The following PEX5 variants were observed in gnomAD, a reference collection of about 807,000 sequenced individuals.
PEX5 encodes PTS1 receptor.
PEX5 carries 52 observed loss-of-function variants against 82.9 expected under a neutral mutation model. That is an observed-to-expected ratio of 0.63 (90% CI 0.50 to 0.79). The LOEUF (loss-of-function observed/expected upper bound fraction) is 0.79, where lower values mean the gene tolerates loss of function less well. Ranked by LOEUF, PEX5 falls within the 30% of genes least tolerant of loss-of-function variation. The pLI is 0.00. For missense variants in PEX5, 719 were observed against 815.2 expected, an observed-to-expected ratio of 0.88 and a Z score of 1.44; for synonymous variants, 300 against 318.8, an observed-to-expected ratio of 0.94 and a Z score of 0.63.
chr12:7,202,203 C>A (rs1944160915), intron 7 of PEX5, 38 bp from the exon 8 acceptor site: 4 of 1,613,392 alleles, frequency 2.5e-6, no homozygotes, highest in Non-Finnish European at 3.4e-6. Context: ...ACCTGGAAGT[C>A]CTTTCCCAAG....
chr12:7,209,913 GAT>G (rs1223668579), intron 15 of PEX5, 73 bp downstream of exon 15: 1 of 1,601,596 alleles, frequency 6.2e-7, no homozygotes, highest in African/African-American at 1.3e-5. Flanking sequence ...CTTATTCTTA[GAT>G]CCTGTTTGAC....
At chr12:7,208,231 TC>T (rs1945063802) in intron 12 of PEX5, 151 bp downstream of exon 12, 2 of 775,436 alleles carry the variant, frequency 2.6e-6, no homozygotes, top group Non-Finnish European at 4.5e-6. Context: ...TGGAGTGAAT[TC>T]CATTCCTTCA....
chr12:7,198,967 C>A, intron 5 of PEX5, 44 bp from the exon 6 acceptor site: 2 of 1,095,766 alleles, frequency 1.8e-6, no homozygotes, highest in Non-Finnish European at 1.4e-6. Flanking sequence ...TGATCCCACA[C>A]TGAATGAACC....
At chr12:7,189,219 G>A (rs1405784552), upstream of PEX5, 1 of 152,332 alleles carries the variant, frequency 6.6e-6, no homozygotes, top group Admixed American at 6.5e-5. Flanking sequence ...GGCTGAAGAA[G>A]GCTTCGGACT....
Position 7,191,924 on chromosome 12 carries a change from G to A in PEX5, c.448+224G>A, listed in dbSNP as rs150329002. On this transcript the variant is annotated intron_variant, in intron 5 of 15. Coordinates refer to ENST00000675855, the MANE Select transcript of PEX5 (RefSeq NM_001351132.2). ...ATAAGAGATTTTGGATAGAGAGAAC[G>A]AAGAGTTTGGTTGGCCTTTTTACTT... Among the ~76,000 whole-genome samples, 49 of 152,328 alleles carry A rather than the reference G, an allele frequency of 3.2e-4. No individual in the cohort carries two copies. In the East Asian group the frequency reaches 8.5e-3, roughly 26 times the overall value.
rs375588538 is a variant in PEX5 at position 7,209,759 on chromosome 12, G to A, written c.1637G>A (p.Arg546His). 14 of 1,587,398 alleles carry A rather than the reference G, an allele frequency of 8.8e-6. No individual in the cohort carries two copies. The highest frequency in any genetic ancestry group is 7.0e-5 in the Admixed American group (4 of 56,992). ...NQSEEAVAAYRRALELQPGYI... is the reference protein window; with the variant it reads ...NQSEEAVAAYHRALELQPGYI... ...AGTGAAGAAGCAGTAGCTGCGTACC[G>A]CCGGGCCCTCGAGCTCCAGCCTGGC... Residue 546 changes from arginine (R) to histidine (H), a missense_variant, in exon 15 of 16, where the codon CGC (arginine) becomes CAC (histidine). Arg to His is a conservative substitution (Grantham distance 29, BLOSUM62 0). Transcript: ENST00000675855.
intron 11 of PEX5, 39 bp from the exon 12 acceptor site, chr12:7,207,971 G>T: frequency 6.4e-7 from 1 of 1,571,852 alleles, no homozygotes; most frequent in South Asian, 1.1e-5. Context: ...GAATGGAGAG[G>T]TGAATATGGG....
At chr12:7,207,621 C>G (rs369993940) in intron 10 of PEX5, 38 bp from the exon 11 acceptor site, 151 of 1,610,436 alleles carry the variant, frequency 9.4e-5, no homozygotes, top group Non-Finnish European at 1.2e-4. Flanking sequence ...TCTGACGGTG[C>G]CACCTCTCAG....
chr12:7,190,077 C>A, intron 1 of PEX5: 7 of 1,496,978 alleles, frequency 4.7e-6, no homozygotes, highest in Non-Finnish European at 6.2e-6. Flanking sequence ...GGGTCCAGGC[C>A]CCTTTGTGGA....
chr12:7,215,785 C>T (rs1227412680), downstream of PEX5, among the ~76,000 whole-genome samples: 4 of 152,082 alleles, frequency 2.6e-5, no homozygotes, highest in Non-Finnish European at 5.9e-5. Context: ...GGGTACTATG[C>T]TCACTCTTCT....
rs1276135396 is a variant in PEX5, at chr12:7,209,847, GTA to G, written c.1718+9_1718+10del. 8 of 1,614,038 alleles carry G rather than the reference GTA, an allele frequency of 5.0e-6. No homozygotes were observed. In the African/African-American group the frequency reaches 1.1e-4, roughly 22 times the overall value. Reference sequence around the variant, plus strand: ...TCAACCTCGGGGCTCACCGGTGAGAGTATCTATTGAGAAATGAATGAATGAGC... The same window carrying G: ...TCAACCTCGGGGCTCACCGGTGAGAGTCTATTGAGAAATGAATGAATGAGC... On this transcript the variant is annotated splice_region_variant and intron_variant, in intron 15 of 15. Transcript: ENST00000675855.
rs1239802556 is a variant in PEX5, at chr12:7,197,240, AATT to A, written c.449-1768_449-1766del. Among the ~76,000 whole-genome samples, 13 of 23,314 alleles carry A rather than the reference AATT, an allele frequency of 5.6e-4. 4 individuals are homozygous for A. The highest frequency in any genetic ancestry group is 1.5e-3 in the African/African-American group (13 of 8,490). The allele number at this position is 23,314 out of a possible 152,430, so 15.3% of individuals were successfully genotyped here. ...TGTAATTATATATGTCATATGTAAT[AATT>A]ATATGTCATATGTAATAATTATATA... On this transcript the variant is annotated intron_variant, in intron 5 of 15. Transcript: ENST00000675855.
chr12:7,190,328 G>C, intron 1 of PEX5, 34 bp from the exon 2 acceptor site: 1 of 1,611,110 alleles, frequency 6.2e-7, no homozygotes, highest in Non-Finnish European at 8.5e-7. Flanking sequence ...GTCTGGCTTG[G>C]GTACCTCAGT....
intron 5 of PEX5, among the ~76,000 whole-genome samples, chr12:7,193,298 A>G (rs1455579411): frequency 2.0e-5 from 3 of 147,802 alleles, no homozygotes; most frequent in Admixed American, 6.9e-5. Context: ...CAGCGGTGCA[A>G]TCTGTACGCA....
At chr12:7,201,916 A>G in intron 7 of PEX5, 75 bp downstream of exon 7, 5 of 1,070,700 alleles carry the variant, frequency 4.7e-6, no homozygotes, top group Non-Finnish European at 7.2e-6. Flanking sequence ...TTCTTACCCC[A>G]GTTTAGTTTA....
Position 7,191,299 on chromosome 12 carries a change from A to C in PEX5, c.257A>C (p.Asp86Ala). The change falls in exon 4 of 16, where the codon GAC (aspartate) becomes GCC (alanine). Residue 86 changes from aspartate (D) to alanine (A), a missense_variant. Physicochemically the swap from Asp to Ala is moderately radical, Grantham distance 126. Transcript: ENST00000675855. ...SRAPQTFKMDDLLAEMQQIEQ... is the reference protein window; with the variant it reads ...SRAPQTFKMDALLAEMQQIEQ... The stretch of plus-strand genomic sequence containing the variant: ...GCCCCTCAGACCTTCAAGATGGATG[A>C]CCTCCTGGCTGAGATGCAGCAGATT... 1 of 1,613,890 alleles carries C rather than the reference A, an allele frequency of 6.2e-7. No individual in the cohort carries two copies. Among genetic ancestry groups the C allele is most frequent in the South Asian group, 1.1e-5 (1 of 91,070 alleles).
At chr12:7,191,057 AT>A in intron 3 of PEX5, 134 bp downstream of exon 3, 1 of 1,186,228 alleles carries the variant, frequency 8.4e-7, no homozygotes. Flanking sequence ...TTTTAAATGT[AT>A]TTTTTCGTCC....
At chr12:7,204,621 A>G (rs1944531457) in intron 10 of PEX5, among the ~76,000 whole-genome samples, 1 of 152,244 alleles carries the variant, frequency 6.6e-6, no homozygotes, top group South Asian at 2.1e-4. Context: ...TGAAGGAAAT[A>G]TAGATAACAC....
intron 6 of PEX5, among the ~76,000 whole-genome samples, chr12:7,200,709 G>A (rs1287144893): frequency 8.5e-5 from 13 of 152,128 alleles, no homozygotes; most frequent in Non-Finnish European, 1.2e-4. Flanking sequence ...CCAACACAGC[G>A]AAACCCCGTC....
Sources: gnomAD v4.1 joint callset for allele counts (sites outside exome capture counted in the v4.1 genomes callset) on GRCh38, gnomAD v4.1.1 for gene constraint, MANE v1.5 for transcripts, NCBI Gene and HGNC (gene_info 2026-07-23, HGNC 2026-07-21) for gene names.